Variants in FLNB observed in about 807,000 individuals in gnomAD.
FLNB encodes the protein filamin-B.
Under a neutral mutation model 250.6 loss-of-function variants are expected in FLNB, and 111 were observed. That is an observed-to-expected ratio of 0.44 (90% confidence interval 0.38 to 0.52). The LOEUF (loss-of-function observed/expected upper bound fraction) is 0.52, where lower values mean the gene tolerates loss of function less well. FLNB is among the 20% of genes least tolerant of loss of function. FLNB has a pLI of 0.00. For missense variants in FLNB, 2,869 were observed against 3,447.8 expected, an observed-to-expected ratio of 0.83 and a Z score of 4.20; for synonymous variants, 1,302 against 1,372.1, an observed-to-expected ratio of 0.95 and a Z score of 1.13.
At chr3:58,015,616 AGAG>A (rs1352844772) in intron 1 of FLNB, among the ~76,000 whole-genome samples, 1 of 152,208 alleles carries the variant, frequency 6.6e-6, no homozygotes, top group Non-Finnish European at 1.5e-5. Flanking sequence ...AGAGCCATGC[AGAG>A]GAGAGCTGCT....
intron 1 of FLNB, among the ~76,000 whole-genome samples, chr3:58,019,878 G>A (rs1021201866): frequency 1.1e-4 from 17 of 152,194 alleles, no homozygotes; most frequent in African/African-American, 3.9e-4. Flanking sequence ...GGTTTCCAGG[G>A]GGCAGTAATG....
chr3:58,061,547 C>A (rs1034193711), intron 1 of FLNB, among the ~76,000 whole-genome samples: 1 of 151,230 alleles, frequency 6.6e-6, no homozygotes, highest in African/African-American at 2.4e-5. Flanking sequence ...GGAAACCTGG[C>A]GAAATCCTGT....
chr3:58,112,040 G>T lies in FLNB; in HGVS notation c.2576-109G>T, dbSNP rs571668147. 2.4e-6 allele frequency: 3 copies of T among 1,231,720 alleles called. No homozygotes were observed. The Admixed American group carries it at 5.2e-5, about 21-fold the overall frequency. The allele number at this position is 1,231,720 out of a possible 1,614,324, so 76.3% of individuals were successfully genotyped here. On this transcript the variant is annotated intron_variant, in intron 17 of 45. Coordinates refer to ENST00000295956, the MANE Select transcript of FLNB (RefSeq NM_001457.4). ...GATGCAGCAGTGGCTGGCCAGGCCC[G>T]TTGCTGGCTGTCATAATAGACCTGG...
chr3:58,086,981 T>C (rs966646660), intron 4 of FLNB, among the ~76,000 whole-genome samples: 3 of 152,044 alleles, frequency 2.0e-5, no homozygotes, highest in African/African-American at 7.2e-5. Flanking sequence ...CATGGCGGCA[T>C]GTGCCTGTAG....
chr3:58,157,311 G>T lies in FLNB; in HGVS notation c.6888+1236G>T, dbSNP rs573940347. Among the ~76,000 whole-genome samples the T allele has an allele frequency of 5.3e-5, 8 of 152,256 alleles. No individual in the cohort carries two copies. The South Asian group carries it at 8.3e-4, about 16-fold the overall frequency. On this transcript the variant is annotated intron_variant, in intron 41 of 45. Transcript: ENST00000295956. ...TCTAAATAGCCTTGAGCTGCCCCCA[G>T]TTCTTGAAAATATTGGATTCATTAA...
At chr3:58,132,708 A>T in intron 25 of FLNB, 100 bp from the exon 26 acceptor site, 1 of 1,501,152 alleles carries the variant, frequency 6.7e-7, no homozygotes, top group Non-Finnish European at 9.2e-7. Context: ...GTGGAAACCA[A>T]TAGCTCTTGG....
Position 58,025,394 on chromosome 3 carries a change from T to A in FLNB, c.292+16538T>A, listed in dbSNP as rs1446303506. Among the ~76,000 whole-genome samples the A allele has an allele frequency of 2.0e-5, 3 of 152,132 alleles. No homozygotes were observed. The South Asian group carries it at 6.2e-4, about 31-fold the overall frequency. ...ATACTCCCTCCTCAGCCTCCCAAATTGCTGAGATTACAGGCATAAGCCTCT... is the reference window on the plus strand; with the variant it reads ...ATACTCCCTCCTCAGCCTCCCAAATAGCTGAGATTACAGGCATAAGCCTCT... On this transcript the variant is annotated intron_variant, in intron 1 of 45. Coordinates refer to ENST00000295956, the MANE Select transcript of FLNB (RefSeq NM_001457.4).
chr3:58,098,056 G>T, intron 7 of FLNB, 79 bp downstream of exon 7: 6 of 1,435,654 alleles, frequency 4.2e-6, no homozygotes, highest in Non-Finnish European at 5.9e-6. Context: ...GGACTTGAAG[G>T]CCTGACCTTT....
chr3:58,049,743 T>C (rs1043924355), intron 1 of FLNB, among the ~76,000 whole-genome samples: 1 of 152,192 alleles, frequency 6.6e-6, no homozygotes, highest in African/African-American at 2.4e-5. Context: ...TGGCTTGCTC[T>C]CGGGGAACAC....
intron 1 of FLNB, among the ~76,000 whole-genome samples, chr3:58,052,326 T>G (rs1367840493): frequency 6.6e-6 from 1 of 152,170 alleles, no homozygotes; most frequent in African/African-American, 2.4e-5. Flanking sequence ...AAGAATTTCT[T>G]CAGATTAGGA....
rs1251528929 is a variant in FLNB, at chr3:58,097,982, C to T, written c.1147+5C>T. The T allele has an allele frequency of 8.1e-6, 13 of 1,613,766 alleles. No homozygotes were observed. The highest frequency in any genetic ancestry group is 2.2e-5 in the East Asian group (1 of 44,856). On this transcript the variant is annotated splice_donor_5th_base_variant and intron_variant, in intron 7 of 45. Transcript: ENST00000295956. ...ACTTTGACATCTATACGGCAGGTAA[C>T]GTGCCTCTCCTCCATGGATCTGACC...
intron 41 of FLNB, among the ~76,000 whole-genome samples, chr3:58,157,677 C>CG (rs745588058): frequency 3.3e-5 from 5 of 152,234 alleles, no homozygotes; most frequent in Non-Finnish European, 7.3e-5. Flanking sequence ...AGGGCAGGAG[C>CG]TGCCCTCATG....
intron 1 of FLNB, among the ~76,000 whole-genome samples, chr3:58,041,537 C>T (rs553012327): frequency 6.6e-6 from 1 of 152,306 alleles, no homozygotes; most frequent in East Asian, 1.9e-4. Flanking sequence ...CCACCACCAC[C>T]ACCACCAGTG....
Position 58,096,190 on chromosome 3 carries a change from A to G in FLNB, c.956A>G (p.Tyr319Cys). 4.3e-6 allele frequency: 7 copies of G among 1,614,092 alleles called. No homozygotes were observed. Among genetic ancestry groups the G allele is most frequent in the Non-Finnish European group, 5.9e-6 (7 of 1,179,940 alleles). Residue 319 changes from tyrosine to cysteine, a missense_variant, in exon 6 of 46, where the codon TAT (tyrosine) becomes TGT (cysteine). By Grantham distance (194) the Tyr-to-Cys change is radical (BLOSUM62 -2). Coordinates refer to ENST00000295956, the MANE Select transcript of FLNB (RefSeq NM_001457.4). Reference sequence around the variant, plus strand: ...AAGAACAAGACATACTCTGTGGAGTATCTGCCCAAGGTCACCGGGCTACAC... The same window carrying G: ...AAGAACAAGACATACTCTGTGGAGTGTCTGCCCAAGGTCACCGGGCTACAC... ...SDKNKTYSVE[Y>C]LPKVTGLHKV... is the part of the protein sequence containing the mutation.
chr3:58,135,969 T>A lies in FLNB; in HGVS notation c.4672-10T>A. The stretch of plus-strand genomic sequence containing the variant: ...CAACATCCTAAATAGCATTTCTCTA[T>A]GATCCACAGGACCAAGAAGGAAAAC... On this transcript the variant is annotated splice_polypyrimidine_tract_variant and intron_variant, in intron 27 of 45. Transcript: ENST00000295956. The A allele has an allele frequency of 6.2e-7, 1 of 1,613,804 alleles. No individual in the cohort carries two copies. Among genetic ancestry groups the A allele is most frequent in the Non-Finnish European group, 8.5e-7 (1 of 1,179,800 alleles).
At chr3:58,087,088 C>T (rs761896049) in intron 4 of FLNB, among the ~76,000 whole-genome samples, 30 of 148,840 alleles carry the variant, frequency 2.0e-4, no homozygotes, top group Middle Eastern at 3.4e-3. Context: ...TCCAGGCTGG[C>T]GACAGAGCTA....
intron 4 of FLNB, among the ~76,000 whole-genome samples, chr3:58,088,038 CTTTTTTTT>C (rs56009116): frequency 1.2e-5 from 1 of 84,520 alleles, no homozygotes. Context: ...GGCGCCCAGC[CTTTTTTTT>C]TTTTTTTTTT....
chr3:58,171,940 C>T lies in FLNB; in HGVS notation c.*1178C>T, dbSNP rs990305989. On this transcript the variant is annotated 3_prime_UTR_variant, in exon 46 of 46. Coordinates refer to ENST00000295956, the MANE Select transcript of FLNB (RefSeq NM_001457.4). The surrounding 1 kb of genome is among the most constrained non-coding windows in gnomAD (Gnocchi z 5.5). ...GGAATTTTGCCTGCCTTCCTGCAGA[C>T]CTGAGCTGGCTTTGGAATGAGGTTA... 6.6e-6 allele frequency: 1 copy of T among 152,168 alleles called. No homozygotes were observed. Among genetic ancestry groups the T allele is most frequent in the African/African-American group, 2.4e-5 (1 of 41,358 alleles). 9.4% of individuals were successfully genotyped at this position (152,168 alleles called of 1,614,324 possible).
intron 1 of FLNB, among the ~76,000 whole-genome samples, chr3:58,071,747 C>T (rs894384550): frequency 1.3e-5 from 2 of 152,188 alleles, no homozygotes; most frequent in South Asian, 2.1e-4. Context: ...TAATCAGTAA[C>T]AACCAGGAGA....
Sources: gnomAD v4.1 joint callset for allele counts (sites outside exome capture counted in the v4.1 genomes callset) on GRCh38, gnomAD v4.1.1 for gene constraint, Gnocchi (gnomAD v3.1) non-coding constraint, MANE v1.5 for transcripts, NCBI Gene and HGNC (gene_info 2026-07-23, HGNC 2026-07-21) for gene names.